Variants in NAALADL2 observed in about 807,000 individuals in gnomAD.
NAALADL2 encodes inactive N-acetylated-alpha-linked acidic dipeptidase-like protein 2.
In NAALADL2, 76 loss-of-function variants were observed where a neutral mutation model predicts 87.2. The ratio of observed to expected loss-of-function variants is 0.87; its 90% CI spans 0.72 to 1.05. NAALADL2 has a LOEUF of 1.05. Among genes scored for constraint, NAALADL2 ranks in the 50% least tolerant of loss-of-function variants. NAALADL2 has a pLI of 0.00. For synonymous variants in NAALADL2, 354 were observed against 331.0 expected (o/e 1.07, Z -0.75); for missense variants, 1,089 against 945.8 (o/e 1.15, Z -1.99).
intron 3 of NAALADL2, among the ~76,000 whole-genome samples, chr3:174,774,650 TGGG>T (rs966087767): frequency 1.3e-5 from 2 of 152,144 alleles, no homozygotes; most frequent in African/African-American, 2.4e-5. Context: ...TTTCTTTAAA[TGGG>T]GGAATACTTA....
intron 10 of NAALADL2, among the ~76,000 whole-genome samples, chr3:175,611,709 T>C (rs1464672610): frequency 6.6e-6 from 1 of 152,182 alleles, no homozygotes; most frequent in African/African-American, 2.4e-5. Flanking sequence ...ATATTTTCTT[T>C]CTTTATATTT....
intron 1 of NAALADL2, among the ~76,000 whole-genome samples, chr3:175,029,197 T>A (rs958008703): frequency 6.6e-6 from 1 of 152,064 alleles, no homozygotes; most frequent in South Asian, 2.1e-4. Flanking sequence ...TAATTCAAAC[T>A]GAAAAACTTG....
intron 3 of NAALADL2, among the ~76,000 whole-genome samples, chr3:174,789,472 C>G (rs966685002): frequency 6.6e-6 from 1 of 152,132 alleles, no homozygotes; most frequent in Non-Finnish European, 1.5e-5. Flanking sequence ...GCTGTGAAAG[C>G]TTGGAACTAC....
chr3:174,642,788 A>T lies in NAALADL2; in HGVS notation c.-115+92151A>T, dbSNP rs1210203120. Among the ~76,000 whole-genome samples, 596 of 88,214 alleles carry T rather than the reference A, an allele frequency of 6.8e-3. 8 individuals carry two copies. The highest frequency in any genetic ancestry group is 0.028 in the African/African-American group (551 of 19,436). 57.9% of individuals were successfully genotyped at this position (88,214 alleles called of 152,430 possible). ...TATATATATATATATATATATATAT[A>T]TGTTTTTTTTCATGAAACTGGATCT... On this transcript the variant is annotated intron_variant, in intron 2 of 3. Transcript: ENST00000434257.
intron 2 of NAALADL2, among the ~76,000 whole-genome samples, chr3:174,729,161 G>A (rs1205538044): frequency 2.6e-5 from 4 of 151,960 alleles, no homozygotes; most frequent in Admixed American, 6.6e-5. Flanking sequence ...CCTTTCTAAC[G>A]TTTTCTAGAC....
intron 11 of NAALADL2, among the ~76,000 whole-genome samples, chr3:175,659,343 C>T (rs1164677239): frequency 6.6e-6 from 1 of 152,178 alleles, no homozygotes; most frequent in African/African-American, 2.4e-5. Context: ...TCAGATTTAT[C>T]ACAACATTTT....
chr3:175,118,761 T>C (rs1033699438), intron 2 of NAALADL2, among the ~76,000 whole-genome samples: 18 of 151,826 alleles, frequency 1.2e-4, no homozygotes, highest in African/African-American at 4.1e-4. Flanking sequence ...AACAATATCA[T>C]GATGAATGGA....
At chr3:175,635,109 C>T (rs1197803060) in intron 11 of NAALADL2, among the ~76,000 whole-genome samples, 1 of 152,064 alleles carries the variant, frequency 6.6e-6, no homozygotes, top group Non-Finnish European at 1.5e-5. Context: ...TTTACTGAAA[C>T]TGGAGATTGT....
chr3:174,556,665 G>A (rs1578162375), intron 2 of NAALADL2, among the ~76,000 whole-genome samples: 2 of 152,240 alleles, frequency 1.3e-5, no homozygotes, highest in South Asian at 2.1e-4. Context: ...AGCAAGCTGT[G>A]AAGCTCAGTT....
At chr3:175,172,086 T>C (rs1489006866) in intron 2 of NAALADL2, among the ~76,000 whole-genome samples, 1 of 152,082 alleles carries the variant, frequency 6.6e-6, no homozygotes, top group Non-Finnish European at 1.5e-5. Context: ...CACACAGAAA[T>C]GTTGAGTACT....
At chr3:175,462,986 A>G (rs1723386372) in intron 6 of NAALADL2, among the ~76,000 whole-genome samples, 1 of 152,326 alleles carries the variant, frequency 6.6e-6, no homozygotes, top group South Asian at 2.1e-4. Context: ...TATTGTCCAC[A>G]TGTTCTTTAT....
chr3:175,785,857 T>C (rs545129000), intron 13 of NAALADL2, among the ~76,000 whole-genome samples: 12,760 of 145,988 alleles, frequency 0.087, 2,121 homozygotes, highest in African/African-American at 0.33. Context: ...TGTTCCTTTC[T>C]GTGTTTAGCA....
chr3:175,701,098 G>A (rs1471361576), intron 11 of NAALADL2, among the ~76,000 whole-genome samples: 1 of 152,132 alleles, frequency 6.6e-6, no homozygotes, highest in Non-Finnish European at 1.5e-5. Flanking sequence ...GCATTTGGCA[G>A]AAAATCAAAG....
At chr3:174,481,150 A>G (rs1436880598) in intron 1 of NAALADL2, among the ~76,000 whole-genome samples, 6 of 152,160 alleles carry the variant, frequency 3.9e-5, no homozygotes, top group Non-Finnish European at 5.9e-5. Context: ...AAGAGATTAT[A>G]GGGAAGTTTA....
At chr3:175,292,500 G>A (rs917184754) in intron 4 of NAALADL2, among the ~76,000 whole-genome samples, 2 of 151,612 alleles carry the variant, frequency 1.3e-5, no homozygotes, top group African/African-American at 4.9e-5. Context: ...CTTTGGTTTG[G>A]CCCATTGATA....
rs149863462 is a variant in NAALADL2 at position 175,525,940 on chromosome 3, G to A, written c.1654-50101G>A. Among the ~76,000 whole-genome samples the A allele has an allele frequency of 2.0e-5, 3 of 152,266 alleles. No individual in the cohort carries two copies. In the East Asian group the frequency reaches 5.8e-4, roughly 29 times the overall value. ...TTCTCTAAGGGATATAAAAGCCAAC[G>A]CTGAGCCAAGTTCCGTTGGGAAAGT... On this transcript the variant is annotated intron_variant, in intron 9 of 13. Transcript: ENST00000454872.
At chr3:175,549,000 C>G (rs1044642994) in intron 9 of NAALADL2, among the ~76,000 whole-genome samples, 3 of 151,958 alleles carry the variant, frequency 2.0e-5, no homozygotes, top group African/African-American at 7.2e-5. Context: ...CTCAAGGTTT[C>G]TAGATATCTG....
chr3:175,193,445 C>T (rs1016877632), intron 2 of NAALADL2, among the ~76,000 whole-genome samples: 1 of 151,832 alleles, frequency 6.6e-6, no homozygotes, highest in Non-Finnish European at 1.5e-5. Flanking sequence ...AATTAGCCTA[C>T]TTTCAGGCCA....
At chr3:174,692,583 C>A (rs1473186523) in intron 2 of NAALADL2, among the ~76,000 whole-genome samples, 1 of 152,016 alleles carries the variant, frequency 6.6e-6, no homozygotes, top group African/African-American at 2.4e-5. Context: ...TATTTTAAGT[C>A]TTTTGGCTTA....
Sources: allele counts gnomAD v4.1 joint callset (sites outside exome capture counted in the v4.1 genomes callset), GRCh38; gene constraint gnomAD v4.1.1; transcripts MANE v1.5; gene names NCBI Gene and HGNC (gene_info 2026-07-23, HGNC 2026-07-21).